The following DAGLA variants were observed in gnomAD, a reference collection of about 807,000 sequenced individuals.
The protein encoded by DAGLA is diacylglycerol lipase alpha, also known as diacylglycerol lipase-alpha.
Under a neutral mutation model 102.6 loss-of-function variants are expected in DAGLA, and 22 were observed. That is an observed-to-expected ratio of 0.21 (90% CI 0.15 to 0.31). The LOEUF is 0.31. Ranked by LOEUF, DAGLA falls within the 10% of genes least tolerant of loss-of-function variation. The pLI is 1.00. For synonymous variants in DAGLA, 578 were observed against 628.9 expected (o/e 0.92, Z 1.21); for missense variants, 927 against 1,446.6 (o/e 0.64, Z 5.83).
rs866376300 is a variant in DAGLA, at chr11:61,684,278, G to A, written c.-45+3774G>A. 2.6e-5 allele frequency among the ~76,000 whole-genome samples: 4 copies of A among 152,238 alleles called. No individual in the cohort carries two copies. The highest frequency in any genetic ancestry group is 5.9e-5 in the Non-Finnish European group (4 of 68,046). On this transcript the variant is annotated intron_variant, in intron 1 of 19. Transcript: ENST00000257215. The surrounding 1 kb of genome is among the most constrained non-coding windows in gnomAD (Gnocchi z 4.5). ...CAGTGGACTGGGCAAGTAGCGCTGG[G>A]GGAAATATCAATGAGCATGTGGTCA...
intron 1 of DAGLA, among the ~76,000 whole-genome samples, chr11:61,708,753 C>T (rs2065170838): frequency 6.6e-6 from 1 of 152,226 alleles, no homozygotes; most frequent in South Asian, 2.1e-4. Context: ...TCATCATCCT[C>T]ATCCTATTTT....
At chr11:61,736,546 C>T (rs776723257) in intron 13 of DAGLA, among the ~76,000 whole-genome samples, 196 bp downstream of exon 13, 2 of 152,246 alleles carry the variant, frequency 1.3e-5, no homozygotes, top group African/African-American at 2.4e-5. Flanking sequence ...CTCCGCCCCA[C>T]CTACAGTCAT....
chr11:61,740,453 T>TC lies in DAGLA; in HGVS notation c.1854-7dup, dbSNP rs2065467842. On this transcript the variant is annotated splice_polypyrimidine_tract_variant and intron_variant, in intron 17 of 19. Coordinates refer to ENST00000257215, the MANE Select transcript of DAGLA (RefSeq NM_006133.3). Reference sequence around the variant, plus strand: ...CACCCTTAACTCCCCTCTGTCCATGTCCCTCTCAGCTGCTGTGAGCAGGAG... The same window carrying TC: ...CACCCTTAACTCCCCTCTGTCCATGTCCCCTCTCAGCTGCTGTGAGCAGGAG... The TC allele has an allele frequency of 1.2e-6, 2 of 1,612,918 alleles. No individual in the cohort carries two copies. The highest frequency in any genetic ancestry group is 1.7e-6 in the Non-Finnish European group (2 of 1,179,674).
At chr11:61,711,396 G>A (rs1296206501) in intron 1 of DAGLA, among the ~76,000 whole-genome samples, 2 of 152,222 alleles carry the variant, frequency 1.3e-5, no homozygotes, top group African/African-American at 2.4e-5. Context: ...GAATCCAGAA[G>A]CCAGACCTGG....
chr11:61,702,222 TTCTC>T (rs771001937), intron 1 of DAGLA, among the ~76,000 whole-genome samples: 14 of 151,930 alleles, frequency 9.2e-5, no homozygotes, highest in African/African-American at 3.4e-4. Context: ...CTCTCTCTCT[TTCTC>T]TCTCTCTCTG....
intron 1 of DAGLA, among the ~76,000 whole-genome samples, chr11:61,704,438 A>C (rs1489593733): frequency 6.6e-6 from 1 of 152,174 alleles, no homozygotes; most frequent in Non-Finnish European, 1.5e-5. Context: ...GGATTTCTTT[A>C]TGGCCAGCTC....
At chr11:61,736,467 G>T in intron 13 of DAGLA, 117 bp downstream of exon 13, 2 of 856,210 alleles carry the variant, frequency 2.3e-6, no homozygotes, top group East Asian at 2.6e-5. Context: ...CACAAGCCAG[G>T]CTCCTGCAAT....
chr11:61,744,353 G>A lies in DAGLA; in HGVS notation c.2993G>A (p.Gly998Asp). 1 of 1,612,604 alleles carries A rather than the reference G, an allele frequency of 6.2e-7. No individual in the cohort carries two copies. Residue 998 changes from glycine to aspartate, a missense_variant, in exon 20 of 20, where the codon GGT (glycine) becomes GAT (aspartate). Coordinates refer to ENST00000257215, the MANE Select transcript of DAGLA (RefSeq NM_006133.3). Reference protein sequence around the residue: ...LSPSFPLSSSGELMDLTPTGL... With the variant: ...LSPSFPLSSSDELMDLTPTGL... ...CCCTCCTTCCCGCTCAGCTCCTCGGGTGAGCTCATGGACCTGACGCCCACG... is the reference window on the plus strand; with the variant it reads ...CCCTCCTTCCCGCTCAGCTCCTCGGATGAGCTCATGGACCTGACGCCCACG...
intron 1 of DAGLA, among the ~76,000 whole-genome samples, chr11:61,708,350 C>A (rs1191173013): frequency 1.3e-5 from 2 of 151,328 alleles, no homozygotes; most frequent in Non-Finnish European, 2.9e-5. Flanking sequence ...CAATCTCCTC[C>A]TCTGAGCCAG....
In DAGLA at chr11:61,684,253, C is replaced by T. The variant is rs2064967927; in HGVS notation, c.-45+3749C>T. 6.6e-6 allele frequency among the ~76,000 whole-genome samples: 1 copy of T among 152,256 alleles called. No homozygotes were observed. Among genetic ancestry groups the T allele is most frequent in the East Asian group, 1.9e-4 (1 of 5,204 alleles). On this transcript the variant is annotated intron_variant, in intron 1 of 19. Coordinates refer to ENST00000257215, the MANE Select transcript of DAGLA (RefSeq NM_006133.3). This position sits in a 1 kb window ranked among gnomAD's most constrained non-coding sequence, Gnocchi z 4.5. The stretch of plus-strand genomic sequence containing the variant: ...ACCGGAATAGCTTTACATTACACTC[C>T]AGTGGACTGGGCAAGTAGCGCTGGG...
In DAGLA at chr11:61,720,912, G is replaced by C. The variant is rs756062957; in HGVS notation, c.307+22G>C. Reference sequence around the variant, plus strand: ...CTGGGTAAGGGCCACCCACCCTGGGGTGCTGCCCCAGACAACTCCCACCTC... The same window carrying C: ...CTGGGTAAGGGCCACCCACCCTGGGCTGCTGCCCCAGACAACTCCCACCTC... On this transcript the variant is annotated intron_variant, in intron 3 of 19. Coordinates refer to ENST00000257215, the MANE Select transcript of DAGLA (RefSeq NM_006133.3). 5.0e-6 allele frequency: 8 copies of C among 1,603,462 alleles called. No homozygotes were observed. The South Asian group carries it at 8.8e-5, about 18-fold the overall frequency.
intron 18 of DAGLA, 33 bp from the exon 19 acceptor site, chr11:61,741,129 C>T (rs749729636): frequency 2.5e-6 from 4 of 1,581,964 alleles, no homozygotes; most frequent in South Asian, 2.3e-5. Context: ...GATGTCCCTC[C>T]ACCACCCCCA....
rs1189658670 is a variant in DAGLA at position 61,744,661 on chromosome 11, C to A, written c.*172C>A. 2 of 582,546 alleles carry A rather than the reference C, an allele frequency of 3.4e-6. No individual in the cohort carries two copies. Among genetic ancestry groups the A allele is most frequent in the South Asian group, 2.4e-5 (1 of 41,958 alleles). 36.1% of individuals were successfully genotyped at this position (582,546 alleles called of 1,614,324 possible). ...CCGCATCCCTACCTCAGCTTAGGAC[C>A]CCCAGAGCCAAGGTGGCTGGGATCT... On this transcript the variant is annotated 3_prime_UTR_variant, in exon 20 of 20. Transcript: ENST00000257215.
intron 12 of DAGLA, 128 bp from the exon 13 acceptor site, chr11:61,736,142 A>G: frequency 1.3e-6 from 1 of 743,752 alleles, no homozygotes; most frequent in Non-Finnish European, 2.3e-6. Flanking sequence ...CAGCCCCCAC[A>G]GCTGGGTTGT....
Position 61,727,443 on chromosome 11 carries a change from C to T in DAGLA, c.637-710C>T, listed in dbSNP as rs114769687. ...TGCCATGTGGTTGTTCCCACCTCAGCGTCTCCTAACAGGTTAGGGAAGAGG... is the reference window on the plus strand; with the variant it reads ...TGCCATGTGGTTGTTCCCACCTCAGTGTCTCCTAACAGGTTAGGGAAGAGG... On this transcript the variant is annotated intron_variant, in intron 6 of 19. Transcript: ENST00000257215. Among the ~76,000 whole-genome samples the T allele has an allele frequency of 4.8e-3, 738 of 152,326 alleles. 10 individuals carry two copies. The highest frequency in any genetic ancestry group is 0.017 in the African/African-American group (703 of 41,582).
At chr11:61,731,266 C>CTA (rs1481818267) in intron 8 of DAGLA, 51 bp from the exon 9 acceptor site, 7 of 1,606,450 alleles carry the variant, frequency 4.4e-6, no homozygotes, top group Non-Finnish European at 5.9e-6. Context: ...GGCCCTGAGG[C>CTA]TGTAGGCAGG....
At chr11:61,687,194 C>T (rs1420162412) in intron 1 of DAGLA, among the ~76,000 whole-genome samples, 1 of 152,134 alleles carries the variant, frequency 6.6e-6, no homozygotes, top group Non-Finnish European at 1.5e-5. Flanking sequence ...TGCTCAGGGA[C>T]ACTCAGAGAG....
intron 16 of DAGLA, among the ~76,000 whole-genome samples, chr11:61,738,484 A>G (rs1433993429): frequency 1.3e-5 from 2 of 152,188 alleles, no homozygotes; most frequent in Admixed American, 6.5e-5. Flanking sequence ...CAGGACAGGA[A>G]CCGAGAGGCT....
chr11:61,736,690 G>A (rs1041220398), intron 13 of DAGLA, among the ~76,000 whole-genome samples: 5 of 152,228 alleles, frequency 3.3e-5, no homozygotes, highest in Non-Finnish European at 7.3e-5. Context: ...AGAGAGAAGG[G>A]GTGCTGCTCT....
Sources: allele counts gnomAD v4.1 joint callset (sites outside exome capture counted in the v4.1 genomes callset), GRCh38; gene constraint gnomAD v4.1.1; non-coding constraint Gnocchi (gnomAD v3.1); transcripts MANE v1.5; gene names NCBI Gene and HGNC (gene_info 2026-07-23, HGNC 2026-07-21).